The following CALN1 variants were observed in gnomAD, a reference collection of about 807,000 sequenced individuals.
CALN1 encodes the protein calneuron 1.
In CALN1, 17 loss-of-function variants were observed where a neutral mutation model predicts 30.6. The observed-to-expected ratio is 0.56, with a 90% confidence interval of 0.38 to 0.83. The LOEUF is 0.83. CALN1 is among the 40% of genes least tolerant of loss of function. The pLI is 0.00. For missense variants in CALN1, 291 were observed against 354.9 expected (o/e 0.82, Z 1.45); for synonymous variants, 156 against 131.4 (o/e 1.19, Z -1.28).
intron 5 of CALN1, among the ~76,000 whole-genome samples, chr7:71,851,791 C>T (rs1031798238): frequency 6.6e-5 from 10 of 151,986 alleles, no homozygotes; most frequent in African/African-American, 2.2e-4. Context: ...TGCAACTCTC[C>T]GCCCCGATGC....
intron 3 of CALN1, among the ~76,000 whole-genome samples, chr7:72,132,828 C>G (rs1409776580): frequency 6.6e-6 from 1 of 152,128 alleles, no homozygotes; most frequent in Non-Finnish European, 1.5e-5. Context: ...AACCCCCAGG[C>G]TACGGACCAA....
intron 1 of CALN1, among the ~76,000 whole-genome samples, chr7:72,436,888 C>G (rs1218637721): frequency 6.6e-6 from 1 of 152,228 alleles, no homozygotes; most frequent in East Asian, 1.9e-4. Flanking sequence ...CTGGGCAACA[C>G]AGCGAGGGCT....
At chr7:72,384,165 G>A (rs1348026134) in intron 2 of CALN1, among the ~76,000 whole-genome samples, 1 of 152,180 alleles carries the variant, frequency 6.6e-6, no homozygotes, top group Non-Finnish European at 1.5e-5. Context: ...CATTTTTGCA[G>A]ACTGTTGCCT....
At chr7:71,893,578 C>T (rs996144584) in intron 5 of CALN1, among the ~76,000 whole-genome samples, 1 of 151,818 alleles carries the variant, frequency 6.6e-6, no homozygotes, top group Non-Finnish European at 1.5e-5. Flanking sequence ...GTAATCGCAG[C>T]TACTTGGGAG....
At chr7:72,135,725 C>A (rs2129543101) in intron 3 of CALN1, among the ~76,000 whole-genome samples, 1 of 152,298 alleles carries the variant, frequency 6.6e-6, no homozygotes, top group South Asian at 2.1e-4. Flanking sequence ...AGCTTACAGT[C>A]ACCAGCTGGA....
intron 3 of CALN1, among the ~76,000 whole-genome samples, chr7:72,192,401 G>A (rs1439289022): frequency 6.6e-6 from 1 of 152,158 alleles, no homozygotes; most frequent in African/African-American, 2.4e-5. Context: ...ATTAGGACGT[G>A]GGAATCTGTG....
chr7:71,995,418 G>A (rs560906602), intron 5 of CALN1, among the ~76,000 whole-genome samples: 20 of 152,332 alleles, frequency 1.3e-4, no homozygotes, highest in Non-Finnish European at 2.6e-4. Context: ...TTTGTTAAAA[G>A]GGAAACCTTG....
chr7:71,877,002 CTTGT>C (rs1018113361), intron 5 of CALN1, among the ~76,000 whole-genome samples: 2 of 152,118 alleles, frequency 1.3e-5, no homozygotes, highest in African/African-American at 4.8e-5. Flanking sequence ...AATTAGAACC[CTTGT>C]TTCTTTGTTT....
intron 4 of CALN1, among the ~76,000 whole-genome samples, chr7:72,028,597 G>C (rs1477907809): frequency 1.3e-5 from 2 of 152,234 alleles, no homozygotes; most frequent in African/African-American, 2.4e-5. Flanking sequence ...AAGAGGTACA[G>C]ATCATGGAAA....
chr7:72,450,976 T>G (rs548138963), upstream of CALN1, among the ~76,000 whole-genome samples: 1 of 152,234 alleles, frequency 6.6e-6, no homozygotes, highest in East Asian at 1.9e-4. Context: ...GTCCCCATAG[T>G]TGCCACCATG....
At chr7:72,034,197 C>CA (rs1221041462) in intron 4 of CALN1, among the ~76,000 whole-genome samples, 4 of 151,316 alleles carry the variant, frequency 2.6e-5, no homozygotes, top group African/African-American at 9.7e-5. Flanking sequence ...ACTAAAAATA[C>CA]AAAAAAATTA....
intron 5 of CALN1, among the ~76,000 whole-genome samples, chr7:71,991,261 C>T (rs1030079716): frequency 8.5e-5 from 13 of 152,104 alleles, no homozygotes; most frequent in African/African-American, 3.1e-4. Flanking sequence ...GAGTTTGAGA[C>T]CAGCTTGGCC....
the CALN1 span, among the ~76,000 whole-genome samples, chr7:72,489,025 T>A: frequency 7.2e-5 from 11 of 152,020 alleles, no homozygotes; most frequent in Non-Finnish European, 1.0e-4. Context: ...ATGGTAAAAT[T>A]TTTTTTTCTT....
chr7:71,882,870 G>C (rs1322273502), intron 5 of CALN1, among the ~76,000 whole-genome samples: 1 of 150,772 alleles, frequency 6.6e-6, no homozygotes, highest in African/African-American at 2.4e-5. Context: ...GTGTGTGTGT[G>C]TGTGTGTGTG....
chr7:71,940,905 C>T (rs1212677567), intron 5 of CALN1, among the ~76,000 whole-genome samples: 2 of 152,178 alleles, frequency 1.3e-5, no homozygotes, highest in African/African-American at 4.8e-5. Flanking sequence ...AGCCACTGCA[C>T]CCAGCCTATA....
chr7:72,337,149 C>G, intron 2 of CALN1: 3 of 985,390 alleles, frequency 3.0e-6, no homozygotes, highest in Non-Finnish European at 3.6e-6. Context: ...TGGAGTTGCG[C>G]GCCCTAGAAA....
At chr7:71,822,890 TG>T (rs1339734840) in intron 5 of CALN1, among the ~76,000 whole-genome samples, 2 of 152,244 alleles carry the variant, frequency 1.3e-5, no homozygotes, top group Admixed American at 6.5e-5. Flanking sequence ...CAACAGCTCC[TG>T]CTACTTCATT....
intron 4 of CALN1, among the ~76,000 whole-genome samples, chr7:72,030,119 A>G (rs559081996): frequency 3.9e-5 from 6 of 152,368 alleles, no homozygotes; most frequent in East Asian, 3.9e-4. Flanking sequence ...GTGTTTGCAG[A>G]TAATTGGGGA....
chr7:72,393,271 T>A (rs1805695995), intron 2 of CALN1, among the ~76,000 whole-genome samples: 1 of 152,064 alleles, frequency 6.6e-6, no homozygotes, highest in African/African-American at 2.4e-5. Context: ...AAGACCATCC[T>A]GGCTAACACG....
Sources: gnomAD v4.1 joint callset for allele counts (sites outside exome capture counted in the v4.1 genomes callset) on GRCh38, gnomAD v4.1.1 for gene constraint, MANE v1.5 for transcripts, NCBI Gene and HGNC (gene_info 2026-07-23, HGNC 2026-07-21) for gene names.